Variants in DPYD observed in about 807,000 individuals in gnomAD.
DPYD encodes the protein dihydropyrimidine dehydrogenase [NADP(+)].
A neutral mutation model predicts 116.2 loss-of-function variants in DPYD; 109 were observed. The observed-to-expected ratio is 0.94, with a 90% CI of 0.80 to 1.10. The LOEUF (loss-of-function observed/expected upper bound fraction) is 1.10, where lower values mean the gene tolerates loss of function less well. Among genes scored for constraint, DPYD ranks in the 50% least tolerant of loss-of-function variants. The probability of loss-of-function intolerance (pLI) is 0.00; values close to 1 mark genes in which losing one functional copy is unlikely to be tolerated. For missense variants in DPYD, 1,302 were observed against 1,254.5 expected (o/e 1.04, Z -0.57); for synonymous variants, 440 against 432.0 (o/e 1.02, Z -0.23).
chr1:97,871,635 T>C (rs1671661913), intron 2 of DPYD, among the ~76,000 whole-genome samples: 1 of 150,148 alleles, frequency 6.7e-6, no homozygotes. Context: ...CATATGCAAA[T>C]ATAAGACAGT....
chr1:97,246,431 A>G (rs762928610), intron 18 of DPYD, among the ~76,000 whole-genome samples: 11 of 152,154 alleles, frequency 7.2e-5, no homozygotes, highest in Non-Finnish European at 1.3e-4. Context: ...GAGGTGGTCT[A>G]GGAAGGCTTT....
intron 16 of DPYD, among the ~76,000 whole-genome samples, chr1:97,373,221 T>G (rs1671400024): frequency 6.6e-6 from 1 of 152,220 alleles, no homozygotes; most frequent in Non-Finnish European, 1.5e-5. Flanking sequence ...TACAGTATAT[T>G]GCTCCAGGGA....
At chr1:97,216,474 T>C (rs898466129) in intron 19 of DPYD, among the ~76,000 whole-genome samples, 3 of 152,146 alleles carry the variant, frequency 2.0e-5, no homozygotes, top group Admixed American at 2.0e-4. Flanking sequence ...GTAAACGGTT[T>C]ATTACAAGAT....
intron 14 of DPYD, among the ~76,000 whole-genome samples, chr1:97,394,725 T>A (rs1195306704): frequency 6.6e-6 from 1 of 151,966 alleles, no homozygotes; most frequent in Non-Finnish European, 1.5e-5. Flanking sequence ...AAAAGCAATA[T>A]TGCAATAAAA....
At chr1:97,102,774 G>C (rs546345404) in intron 20 of DPYD, among the ~76,000 whole-genome samples, 27 of 151,934 alleles carry the variant, frequency 1.8e-4, no homozygotes, top group African/African-American at 6.3e-4. Context: ...AATTTTGTAA[G>C]TATCTTTTGC....
chr1:97,517,043 A>G (rs1168016101), intron 12 of DPYD, among the ~76,000 whole-genome samples: 1 of 151,942 alleles, frequency 6.6e-6, no homozygotes, highest in Non-Finnish European at 1.5e-5. Flanking sequence ...AAAGATTTCC[A>G]TGACTTGCAT....
At chr1:97,303,543 G>C (rs972299122) in intron 18 of DPYD, among the ~76,000 whole-genome samples, 3 of 151,978 alleles carry the variant, frequency 2.0e-5, no homozygotes, top group Admixed American at 2.0e-4. Flanking sequence ...CTCTGTTATA[G>C]AACTTGCTCT....
intron 12 of DPYD, among the ~76,000 whole-genome samples, chr1:97,537,521 A>G (rs1270674683): frequency 7.7e-6 from 1 of 130,472 alleles, no homozygotes; most frequent in African/African-American, 3.2e-5. Context: ...TCCTCACATA[A>G]TCTCAACCCA....
intron 2 of DPYD, among the ~76,000 whole-genome samples, chr1:97,839,405 G>T (rs1476493135): frequency 6.6e-6 from 1 of 151,774 alleles, no homozygotes; most frequent in African/African-American, 2.4e-5. Flanking sequence ...CACACAACAC[G>T]TTTTATGTTG....
intron 14 of DPYD, among the ~76,000 whole-genome samples, chr1:97,395,625 A>G (rs1315380189): frequency 1.3e-5 from 2 of 151,984 alleles, no homozygotes; most frequent in Non-Finnish European, 2.9e-5. Flanking sequence ...GTTTGAAAAA[A>G]TTGTTCCCTC....
intron 20 of DPYD, among the ~76,000 whole-genome samples, chr1:97,138,487 A>G (rs1653970260): frequency 6.6e-6 from 1 of 152,136 alleles, no homozygotes; most frequent in Admixed American, 6.6e-5. Flanking sequence ...ATCCGGTTAG[A>G]AGTATAAATA....
At chr1:97,508,440 C>T (rs1309965817) in intron 13 of DPYD, among the ~76,000 whole-genome samples, 1 of 152,006 alleles carries the variant, frequency 6.6e-6, no homozygotes, top group Non-Finnish European at 1.5e-5. Context: ...CTGATGACAG[C>T]AGATTCACAG....
chr1:97,807,854 T>A (rs891918309), intron 3 of DPYD, among the ~76,000 whole-genome samples: 2 of 152,104 alleles, frequency 1.3e-5, no homozygotes, highest in Non-Finnish European at 2.9e-5. Flanking sequence ...GATTTTTTTT[T>A]AGCATGTGTA....
intron 2 of DPYD, among the ~76,000 whole-genome samples, chr1:97,838,545 C>T (rs1288512651): frequency 6.6e-6 from 1 of 152,132 alleles, no homozygotes; most frequent in Admixed American, 6.5e-5. Context: ...AGTCATGTAA[C>T]TTAAAAATAA....
At chr1:97,653,461 C>T (rs1040603167) in intron 8 of DPYD, among the ~76,000 whole-genome samples, 4 of 151,938 alleles carry the variant, frequency 2.6e-5, no homozygotes, top group Non-Finnish European at 2.9e-5. Context: ...CGTGCCAACA[C>T]GTCCAGCTCA....
At chr1:97,329,839 A>C (rs1289439223) in intron 16 of DPYD, among the ~76,000 whole-genome samples, 1 of 148,880 alleles carries the variant, frequency 6.7e-6, no homozygotes, top group African/African-American at 2.5e-5. Context: ...GTTTGAACAC[A>C]GATTCACAAA....
At chr1:97,433,104 G>T (rs1177293263) in intron 14 of DPYD, among the ~76,000 whole-genome samples, 3 of 152,130 alleles carry the variant, frequency 2.0e-5, no homozygotes, top group Middle Eastern at 3.2e-3. Flanking sequence ...CTTCCAAAGA[G>T]CCACTGCAGT....
chr1:97,571,828 A>G (rs1652921707), intron 11 of DPYD, among the ~76,000 whole-genome samples: 1 of 151,934 alleles, frequency 6.6e-6, no homozygotes, highest in Non-Finnish European at 1.5e-5. Flanking sequence ...AATCCTATTG[A>G]GTAAGATCTT....
chr1:97,457,699 C>T (rs946634658), intron 13 of DPYD, among the ~76,000 whole-genome samples: 4 of 152,092 alleles, frequency 2.6e-5, no homozygotes, highest in South Asian at 2.1e-4. Flanking sequence ...AACTAGTTCA[C>T]GGCTAAAGCT....
Sources: allele counts gnomAD v4.1 joint callset (sites outside exome capture counted in the v4.1 genomes callset), GRCh38; gene constraint gnomAD v4.1.1; transcripts MANE v1.5; gene names NCBI Gene and HGNC (gene_info 2026-07-23, HGNC 2026-07-21).